The following SLC22A3 variants were observed in gnomAD, a reference collection of about 807,000 sequenced individuals.
SLC22A3 encodes EMT organic cation transporter 3.
Under a neutral mutation model 59.1 loss-of-function variants are expected in SLC22A3, and 51 were observed. The ratio of observed to expected loss-of-function variants is 0.86; its 90% CI spans 0.69 to 1.09. The LOEUF is 1.09. SLC22A3 is among the 50% of genes least tolerant of loss of function. The pLI, the probability that SLC22A3 is intolerant of heterozygous loss-of-function variation, is 0.00. For missense variants in SLC22A3, 711 were observed against 726.3 expected (o/e 0.98, Z 0.24); for synonymous variants, 325 against 292.0 (o/e 1.11, Z -1.15).
rs1788952946 is a variant in SLC22A3, at chr6:160,451,263, A to T, written c.*207A>T. 1 of 568,056 alleles carries T rather than the reference A, an allele frequency of 1.8e-6. No homozygotes were observed. Among genetic ancestry groups the T allele is most frequent in the African/African-American group, 1.9e-5 (1 of 53,054 alleles). 35.2% of individuals were successfully genotyped at this position (568,056 alleles called of 1,614,324 possible). A position where few individuals can be genotyped will look rare whatever the true frequency, so the allele number is the denominator to read the frequency against. ...ATGCTGTTGAAGTTTCTGGGAACAC[A>T]TAATATGTAGCCAGTTTAACAAAGA... On this transcript the variant is annotated 3_prime_UTR_variant, in exon 11 of 11. Transcript: ENST00000275300.
At chr6:160,422,200 T>A (rs1266780404) in intron 5 of SLC22A3, among the ~76,000 whole-genome samples, 1 of 152,210 alleles carries the variant, frequency 6.6e-6, no homozygotes, top group African/African-American at 2.4e-5. Flanking sequence ...GAAATTCATT[T>A]AAATTCCACA....
chr6:160,406,304 T>C (rs984367183), intron 2 of SLC22A3, among the ~76,000 whole-genome samples: 6 of 152,192 alleles, frequency 3.9e-5, no homozygotes, highest in Admixed American at 6.5e-5. Flanking sequence ...TGTAATAGAA[T>C]CAAATCTCTT....
intron 5 of SLC22A3, among the ~76,000 whole-genome samples, chr6:160,429,289 T>C (rs188013424): frequency 6.6e-6 from 1 of 152,344 alleles, no homozygotes; most frequent in Admixed American, 6.5e-5. Flanking sequence ...CACAGTATTA[T>C]ACTCAAGAGC....
intron 1 of SLC22A3, among the ~76,000 whole-genome samples, chr6:160,356,172 C>T (rs548420876): frequency 9.2e-5 from 14 of 152,310 alleles, no homozygotes; most frequent in East Asian, 1.9e-4. Context: ...TGACTCCTAA[C>T]GCCGATTCCT....
In SLC22A3 at chr6:160,377,247, G is replaced by A. The variant is rs316243; in HGVS notation, c.430-20732G>A. Among the ~76,000 whole-genome samples the A allele has an allele frequency of 2.6e-3, 394 of 152,270 alleles. 11 individuals are homozygous for A. In the East Asian group the frequency reaches 0.063, roughly 24 times the overall value. On this transcript the variant is annotated intron_variant, in intron 1 of 10. Transcript: ENST00000275300. ...CACCTGTAATTCCAGCACTCTGGGA[G>A]GCTGAGGCAGGTGGATCACTTGAGG...
intron 1 of SLC22A3, among the ~76,000 whole-genome samples, chr6:160,364,922 T>C (rs1036994997): frequency 1.3e-5 from 2 of 152,212 alleles, no homozygotes; most frequent in African/African-American, 4.8e-5. Flanking sequence ...TGTTAAAGTG[T>C]ACACATTATC....
chr6:160,419,607 A>C (rs1787646329), intron 5 of SLC22A3, among the ~76,000 whole-genome samples: 1 of 152,244 alleles, frequency 6.6e-6, no homozygotes, highest in Admixed American at 6.5e-5. Context: ...AAAGTCTCAA[A>C]AACAGTTATT....
intron 1 of SLC22A3, among the ~76,000 whole-genome samples, chr6:160,352,054 A>C (rs1352573508): frequency 6.6e-6 from 1 of 152,238 alleles, no homozygotes; most frequent in Non-Finnish European, 1.5e-5. Context: ...ACTTTGTTTC[A>C]TTTTACGGTG....
intron 1 of SLC22A3, among the ~76,000 whole-genome samples, chr6:160,357,376 T>G (rs1382555762): frequency 2.0e-5 from 3 of 152,220 alleles, no homozygotes; most frequent in African/African-American, 2.4e-5. Flanking sequence ...AGGATGGCTC[T>G]GATTTCATGA....
At chr6:160,431,735 T>TA (rs60908547) in intron 5 of SLC22A3, among the ~76,000 whole-genome samples, 98 of 151,550 alleles carry the variant, frequency 6.5e-4, no homozygotes, top group Admixed American at 2.3e-3. Context: ...AACTATTTGC[T>TA]AAAAAAAAAT....
At chr6:160,364,939 C>G (rs966129813) in intron 1 of SLC22A3, among the ~76,000 whole-genome samples, 64 of 151,846 alleles carry the variant, frequency 4.2e-4, no homozygotes, top group Admixed American at 3.9e-4. Context: ...TATCTTTTAC[C>G]TTATTGAGTT....
chr6:160,412,971 A>T (rs1490255268), intron 5 of SLC22A3, among the ~76,000 whole-genome samples: 1 of 152,184 alleles, frequency 6.6e-6, no homozygotes, highest in East Asian at 1.9e-4. Flanking sequence ...ATAGGAATAT[A>T]TAAAGTGTTC....
rs1787461097 is a variant in SLC22A3, at chr6:160,415,756, G to C, written c.975+4910G>C. 6.6e-6 allele frequency among the ~76,000 whole-genome samples: 1 copy of C among 152,078 alleles called. No individual in the cohort carries two copies. The highest frequency in any genetic ancestry group is 2.4e-5 in the African/African-American group (1 of 41,404). On this transcript the variant is annotated intron_variant, in intron 5 of 10. Coordinates refer to ENST00000275300, the MANE Select transcript of SLC22A3 (RefSeq NM_021977.4). The surrounding 1 kb of genome is among the most constrained non-coding windows in gnomAD (Gnocchi z 4.1). ...GTGGTTGGATTCAAAGAAGCCCTAG[G>C]AGACCCAACAAGTCAGCATTTTTCT...
Position 160,408,858 on chromosome 6 carries a change from C to A in SLC22A3, c.794C>A (p.Pro265His). 6.2e-7 allele frequency: 1 copy of A among 1,613,802 alleles called. No individual in the cohort carries two copies. The highest frequency in any genetic ancestry group is 1.1e-5 in the South Asian group (1 of 91,078). Residue 265 changes from proline to histidine, a missense_variant, in exon 4 of 11, where the codon CCC becomes CAC. Physicochemically the swap from Pro to His is moderately conservative, Grantham distance 77 (BLOSUM62 -2). Coordinates refer to ENST00000275300, the MANE Select transcript of SLC22A3 (RefSeq NM_021977.4). ...IILPGIAYFI[P>H]NWQGIQLAIT... ...CTCCCTGGAATTGCCTACTTCATCC[C>A]CAACTGGCAAGGAATCCAGTTAGCC... is the stretch of plus-strand genomic sequence containing the variant.
chr6:160,382,055 T>C (rs1785818433), intron 1 of SLC22A3, among the ~76,000 whole-genome samples: 2 of 152,242 alleles, frequency 1.3e-5, no homozygotes, highest in South Asian at 2.1e-4. Context: ...CAATATTATC[T>C]TGTAGGTATT....
chr6:160,393,127 G>A (rs1439823856), intron 1 of SLC22A3, among the ~76,000 whole-genome samples: 1 of 151,814 alleles, frequency 6.6e-6, no homozygotes, highest in Non-Finnish European at 1.5e-5. Context: ...CTGTGATATC[G>A]TCTAATCTTA....
intron 1 of SLC22A3, among the ~76,000 whole-genome samples, chr6:160,391,370 T>C (rs918753707): frequency 6.6e-6 from 1 of 152,222 alleles, no homozygotes; most frequent in Admixed American, 6.5e-5. Context: ...TATTTTATTA[T>C]CATCAGCATT....
At chr6:160,397,095 C>T (rs568598121) in intron 1 of SLC22A3, among the ~76,000 whole-genome samples, 25 of 152,202 alleles carry the variant, frequency 1.6e-4, no homozygotes, top group Admixed American at 1.1e-3. Flanking sequence ...CTTTTTGGCA[C>T]TAGGGACCAG....
At chr6:160,442,200 T>C (rs1788567502) in intron 7 of SLC22A3, among the ~76,000 whole-genome samples, 1 of 152,178 alleles carries the variant, frequency 6.6e-6, no homozygotes. Flanking sequence ...ATGAGTGACA[T>C]TTGCCTTAGT....
Sources: gnomAD v4.1 joint callset for allele counts (sites outside exome capture counted in the v4.1 genomes callset) on GRCh38, gnomAD v4.1.1 for gene constraint, Gnocchi (gnomAD v3.1) non-coding constraint, MANE v1.5 for transcripts, NCBI Gene and HGNC (gene_info 2026-07-23, HGNC 2026-07-21) for gene names.